Variants in TRAPPC10 observed in about 807,000 individuals in gnomAD.
TRAPPC10 encodes the protein TRAPP 130 kDa subunit.
A neutral mutation model predicts 125.5 loss-of-function variants in TRAPPC10; 23 were observed. The ratio of observed to expected loss-of-function variants is 0.18; its 90% confidence interval spans 0.13 to 0.26. The LOEUF (loss-of-function observed/expected upper bound fraction) is 0.26. Ranked by LOEUF, TRAPPC10 falls within the 10% of genes least tolerant of loss-of-function variation. The pLI is 1.00. For synonymous variants in TRAPPC10, 509 were observed against 518.0 expected (o/e 0.98, Z 0.24); for missense variants, 1,123 against 1,308.4 (o/e 0.86, Z 2.19).
intron 1 of TRAPPC10, among the ~76,000 whole-genome samples, chr21:44,014,209 A>G (rs747775977): frequency 2.0e-5 from 3 of 152,244 alleles, no homozygotes; most frequent in Non-Finnish European, 4.4e-5. Flanking sequence ...GGATTCAACC[A>G]TAACTAAAGG....
intron 3 of TRAPPC10, among the ~76,000 whole-genome samples, chr21:44,040,076 A>G (rs1275035726): frequency 3.3e-5 from 5 of 152,192 alleles, no homozygotes; most frequent in African/African-American, 4.8e-5. Flanking sequence ...CAAATTTGCA[A>G]CTAAACTTTT....
At chr21:44,032,531 C>T (rs376303276) in intron 2 of TRAPPC10, among the ~76,000 whole-genome samples, 167 of 152,022 alleles carry the variant, frequency 1.1e-3, no homozygotes, top group African/African-American at 3.8e-3. Flanking sequence ...TACAGGTGTG[C>T]GCTACCGCAC....
At chr21:44,048,354 C>A (rs540176452) in intron 3 of TRAPPC10, among the ~76,000 whole-genome samples, 9 of 152,312 alleles carry the variant, frequency 5.9e-5, no homozygotes, top group African/African-American at 2.2e-4. Context: ...GGTGGGCACC[C>A]AGAGGGCTTG....
At chr21:44,014,044 C>T (rs1245086049) in intron 1 of TRAPPC10, among the ~76,000 whole-genome samples, 1 of 152,228 alleles carries the variant, frequency 6.6e-6, no homozygotes, top group Non-Finnish European at 1.5e-5. Flanking sequence ...GTGCTGTGCA[C>T]GTTGTGAATG....
chr21:44,014,481 C>T (rs1361759982), intron 1 of TRAPPC10, among the ~76,000 whole-genome samples: 4 of 151,976 alleles, frequency 2.6e-5, no homozygotes, highest in African/African-American at 9.7e-5. Flanking sequence ...TCTTGGCTCA[C>T]TGCAACCTCT....
intron 15 of TRAPPC10, 28 bp from the exon 16 acceptor site, chr21:44,086,774 T>C: frequency 6.2e-7 from 1 of 1,612,160 alleles, no homozygotes; most frequent in Non-Finnish European, 8.5e-7. Flanking sequence ...TTGGCAGCGG[T>C]GCTGAGCCAC....
chr21:44,047,838 C>T (rs1376207841), intron 3 of TRAPPC10, among the ~76,000 whole-genome samples: 1 of 152,218 alleles, frequency 6.6e-6, no homozygotes, highest in East Asian at 1.9e-4. Context: ...CCACTACCTT[C>T]TTCAACATAT....
chr21:44,012,474 G>C lies in TRAPPC10; in HGVS notation c.-20G>C. ...CTGCCCATGGGGCGCGGGGGGCCGG[G>C]CCGGTGACGCCGGACGCCCATGGAC... is the stretch of plus-strand genomic sequence containing the variant. On this transcript the variant is annotated 5_prime_UTR_variant, in exon 1 of 23. Coordinates refer to ENST00000291574, the MANE Select transcript of TRAPPC10 (RefSeq NM_003274.5). The C allele has an allele frequency of 1.4e-6, 2 of 1,458,536 alleles. No individual in the cohort carries two copies. The highest frequency in any genetic ancestry group is 1.5e-5 in the African/African-American group (1 of 67,396). The allele number at this position is 1,458,536 out of a possible 1,614,324, so 90.3% of individuals were successfully genotyped here. A position where few individuals can be genotyped will look rare whatever the true frequency, so the allele number is the denominator to read the frequency against.
intron 1 of TRAPPC10, among the ~76,000 whole-genome samples, chr21:44,031,632 A>G (rs1182116752): frequency 6.6e-6 from 1 of 152,252 alleles, no homozygotes; most frequent in East Asian, 1.9e-4. Context: ...ATATTCGCAC[A>G]TGGGGAGCCA....
chr21:44,093,730 C>T (rs896872578), intron 19 of TRAPPC10, among the ~76,000 whole-genome samples: 4 of 152,110 alleles, frequency 2.6e-5, no homozygotes, highest in African/African-American at 9.7e-5. Context: ...TGCACTCCAG[C>T]CTGGGCGACA....
chr21:44,028,446 C>T (rs1282022396), intron 1 of TRAPPC10, among the ~76,000 whole-genome samples: 2 of 152,164 alleles, frequency 1.3e-5, no homozygotes, highest in African/African-American at 2.4e-5. Context: ...CTACATGTCT[C>T]TTCCCATCTG....
In TRAPPC10 at chr21:44,077,792, A is replaced by G; in HGVS notation, c.1469+8A>G. ...TCTGGCAGAGTTTTACATGTAATTG[A>G]TTTTGTACTTTTCTTTGAATTCTAA... On this transcript the variant is annotated splice_region_variant and intron_variant, in intron 11 of 22. Transcript: ENST00000291574. 6.3e-7 allele frequency: 1 copy of G among 1,596,098 alleles called. No homozygotes were observed. Among genetic ancestry groups the G allele is most frequent in the Non-Finnish European group, 8.6e-7 (1 of 1,165,452 alleles).
At chr21:44,058,433 G>T (rs1007489798) in intron 5 of TRAPPC10, among the ~76,000 whole-genome samples, 2 of 152,174 alleles carry the variant, frequency 1.3e-5, no homozygotes, top group African/African-American at 4.8e-5. Flanking sequence ...ATTTTGCAGG[G>T]CCTGGGGATG....
chr21:44,090,006 A>G, intron 18 of TRAPPC10, 73 bp downstream of exon 18: 1 of 1,231,674 alleles, frequency 8.1e-7, no homozygotes, highest in Non-Finnish European at 1.2e-6. Flanking sequence ...CTAATGTTCA[A>G]AACTGGCCTT....
chr21:44,094,239 T>G lies in TRAPPC10; in HGVS notation c.3168+6T>G. ...TTAAAGTGGAAAATTTTTTTGTAAG[T>G]GATGTATTATTTTGGGAGGGTGGGG... On this transcript the variant is annotated splice_donor_region_variant and intron_variant, in intron 20 of 22. Coordinates refer to ENST00000291574, the MANE Select transcript of TRAPPC10 (RefSeq NM_003274.5). 5 of 1,575,780 alleles carry G rather than the reference T, an allele frequency of 3.2e-6. No homozygotes were observed. The highest frequency in any genetic ancestry group is 4.3e-6 in the Non-Finnish European group (5 of 1,167,422).
At chr21:44,023,967 G>A (rs2032816031) in intron 1 of TRAPPC10, among the ~76,000 whole-genome samples, 1 of 152,128 alleles carries the variant, frequency 6.6e-6, no homozygotes, top group Non-Finnish European at 1.5e-5. Context: ...TATATTTTTA[G>A]TAGAGACAGG....
At chr21:44,022,450 ATTTTTTTT>A (rs71197876) in intron 1 of TRAPPC10, among the ~76,000 whole-genome samples, 2 of 96,984 alleles carry the variant, frequency 2.1e-5, no homozygotes, top group South Asian at 3.8e-4. Context: ...TGCCCAGCTA[ATTTTTTTT>A]TTTTTTTTTT....
chr21:44,084,289 G>A (rs960653730), intron 15 of TRAPPC10, 26 bp downstream of exon 15: 2 of 1,608,350 alleles, frequency 1.2e-6, no homozygotes, highest in African/African-American at 2.7e-5. Context: ...AGCCTTTGAG[G>A]AGGCGTGCTG....
Position 44,059,313 on chromosome 21 carries a change from C to A in TRAPPC10, c.790+99C>A. 1 of 810,748 alleles carries A rather than the reference C, an allele frequency of 1.2e-6. No homozygotes were observed. The highest frequency in any genetic ancestry group is 2.0e-6 in the Non-Finnish European group (1 of 498,456). 50.2% of individuals were successfully genotyped at this position (810,748 alleles called of 1,614,324 possible). A position where few individuals can be genotyped will look rare whatever the true frequency, so the allele number is the denominator to read the frequency against. On this transcript the variant is annotated intron_variant, in intron 6 of 22. Transcript: ENST00000291574. This position sits in a 1 kb window ranked among gnomAD's most constrained non-coding sequence, Gnocchi z 4.4. The stretch of plus-strand genomic sequence containing the variant: ...GCCATTTATTTACCTCAGGAGTACG[C>A]ATGTTTTGTTGTTGTCTTTATACAC...
Sources: allele counts gnomAD v4.1 joint callset (sites outside exome capture counted in the v4.1 genomes callset), GRCh38; gene constraint gnomAD v4.1.1; non-coding constraint Gnocchi (gnomAD v3.1); transcripts MANE v1.5; gene names NCBI Gene and HGNC (gene_info 2026-07-23, HGNC 2026-07-21).